The following DHX30 variants were observed in gnomAD, a reference collection of about 807,000 sequenced individuals.
DHX30 encodes ATP-dependent RNA helicase DHX30.
A neutral mutation model predicts 116.9 loss-of-function variants in DHX30; 4 were observed. The ratio of observed to expected loss-of-function variants is 0.03; its 90% CI spans 0.02 to 0.08. The LOEUF (loss-of-function observed/expected upper bound fraction) is 0.08, where lower values mean the gene tolerates loss of function less well. Among genes scored for constraint, DHX30 ranks in the 10% least tolerant of loss-of-function variants. The pLI, the probability that DHX30 is intolerant of heterozygous loss-of-function variation, is 1.00. For synonymous variants in DHX30, 697 were observed against 651.7 expected (o/e 1.07, Z -1.06); for missense variants, 871 against 1,595.1 (o/e 0.55, Z 7.73).
chr3:47,812,884 T>G (rs957906522), intron 3 of DHX30, among the ~76,000 whole-genome samples: 12 of 151,690 alleles, frequency 7.9e-5, no homozygotes, highest in Admixed American at 2.0e-4. Flanking sequence ...GGCTGGTCTG[T>G]AACTCCTGAG....
intron 3 of DHX30, chr3:47,816,206 A>G (rs2036043691): frequency 1.0e-6 from 1 of 981,494 alleles, no homozygotes; most frequent in African/African-American, 1.8e-5. Flanking sequence ...AAGAGAGCTT[A>G]TGGGAAAAAT....
intron 3 of DHX30, 108 bp downstream of exon 3, chr3:47,810,819 GGGT>G (rs915717863): frequency 1.6e-6 from 2 of 1,238,924 alleles, no homozygotes; most frequent in African/African-American, 3.0e-5. Context: ...ACATTTCTTT[GGGT>G]GGTTTTCCAA....
At chr3:47,821,819 G>C (rs1037360041) in intron 4 of DHX30, among the ~76,000 whole-genome samples, 4 of 145,446 alleles carry the variant, frequency 2.8e-5, no homozygotes, top group Non-Finnish European at 6.1e-5. Context: ...GGCTGGCCTT[G>C]AACTCCTGAC....
chr3:47,824,865 C>G (rs571494586), intron 4 of DHX30: 7 of 458,184 alleles, frequency 1.5e-5, no homozygotes, highest in East Asian at 3.7e-5. Context: ...GCGCCGAGCC[C>G]GCCTACTGAA....
rs193073245 is a variant in DHX30 at position 47,845,406 on chromosome 3, C to T, written c.940-294C>T. 76 of 196,870 alleles carry T rather than the reference C, an allele frequency of 3.9e-4. 2 individuals carry two copies. In the East Asian group the frequency reaches 7.3e-3, roughly 19 times the overall value. 12.2% of individuals were successfully genotyped at this position (196,870 alleles called of 1,614,324 possible). Reference sequence around the variant, plus strand: ...TTCACCATGTTAGCCAGGCTGGTCTCGAACCCCTGACCTCAGGTGATTTGC... The same window carrying T: ...TTCACCATGTTAGCCAGGCTGGTCTTGAACCCCTGACCTCAGGTGATTTGC... On this transcript the variant is annotated intron_variant, in intron 9 of 21. Coordinates refer to ENST00000445061, the MANE Select transcript of DHX30 (RefSeq NM_138615.3).
At chr3:47,810,523 C>T in intron 2 of DHX30, 134 bp from the exon 3 acceptor site, 1 of 669,100 alleles carries the variant, frequency 1.5e-6, no homozygotes. Context: ...TGGGGAGCAG[C>T]AGTTGGGGCT....
intron 3 of DHX30, 78 bp downstream of exon 3, chr3:47,810,789 C>G (rs931945501): frequency 7.1e-7 from 1 of 1,416,398 alleles, no homozygotes; most frequent in African/African-American, 1.4e-5. Context: ...GAAAGTCTCT[C>G]CCCAGTATGT....
chr3:47,826,629 T>A (rs1368992524), intron 4 of DHX30, among the ~76,000 whole-genome samples: 2 of 152,098 alleles, frequency 1.3e-5, no homozygotes, highest in Non-Finnish European at 2.9e-5. Flanking sequence ...GTATTTTTAG[T>A]AGAGACGAGG....
chr3:47,843,816 A>G (rs2037483918), intron 9 of DHX30, among the ~76,000 whole-genome samples: 1 of 152,118 alleles, frequency 6.6e-6, no homozygotes, highest in Non-Finnish European at 1.5e-5. Context: ...CTTTCACCTC[A>G]GCCTCCTGCA....
intron 6 of DHX30, 119 bp from the exon 7 acceptor site, chr3:47,840,758 G>C: frequency 1.6e-6 from 2 of 1,286,624 alleles, no homozygotes; most frequent in Non-Finnish European, 2.2e-6. Flanking sequence ...GCTGAAGTGG[G>C]TAAACAGATG....
intron 4 of DHX30, chr3:47,819,126 CT>C: frequency 1.1e-6 from 1 of 943,696 alleles, no homozygotes; most frequent in Non-Finnish European, 1.5e-6. Flanking sequence ...TTCTAGCCCC[CT>C]GACCATTTGA....
intron 3 of DHX30, chr3:47,816,691 T>A: frequency 1.0e-6 from 1 of 985,602 alleles, no homozygotes; most frequent in Non-Finnish European, 1.2e-6. Flanking sequence ...AGCTGGCAGT[T>A]ACCGAGGAAG....
intron 6 of DHX30, among the ~76,000 whole-genome samples, chr3:47,829,435 C>G (rs1036818370): frequency 6.8e-6 from 1 of 147,110 alleles, no homozygotes; most frequent in East Asian, 2.1e-4. Context: ...CCTCCACTTT[C>G]TAGGTTCAAG....
At chr3:47,811,024 A>C (rs1466268261) in intron 3 of DHX30, among the ~76,000 whole-genome samples, 1 of 151,320 alleles carries the variant, frequency 6.6e-6, no homozygotes, top group Non-Finnish European at 1.5e-5. Context: ...ATCTCGGCTC[A>C]GTGCAATCTC....
At chr3:47,811,866 C>G (rs1280919243) in intron 3 of DHX30, among the ~76,000 whole-genome samples, 3 of 151,954 alleles carry the variant, frequency 2.0e-5, no homozygotes, top group Non-Finnish European at 2.9e-5. Flanking sequence ...GAGTTCCAGA[C>G]CAGCCTGGAC....
intron 6 of DHX30, among the ~76,000 whole-genome samples, chr3:47,833,537 CAAAAAAAAA>C (rs71070236): frequency 1.6e-5 from 1 of 62,458 alleles, no homozygotes; most frequent in African/African-American, 6.9e-5. Flanking sequence ...CTCTCTCTCT[CAAAAAAAAA>C]AAAAAAAAAA....
At chr3:47,837,826 G>A (rs1271521923) in intron 6 of DHX30, among the ~76,000 whole-genome samples, 1 of 152,180 alleles carries the variant, frequency 6.6e-6, no homozygotes, top group East Asian at 1.9e-4. Context: ...CAGTTGAGGA[G>A]GTGGGAGGGA....
intron 9 of DHX30, among the ~76,000 whole-genome samples, chr3:47,845,340 C>T (rs1390077669): frequency 6.6e-6 from 1 of 151,968 alleles, no homozygotes; most frequent in Non-Finnish European, 1.5e-5. Context: ...GGTGCCGGCC[C>T]CCCACCTGGC....
chr3:47,810,543 A>C, intron 2 of DHX30, 114 bp from the exon 3 acceptor site: 1 of 818,004 alleles, frequency 1.2e-6, no homozygotes, highest in Non-Finnish European at 2.0e-6. Context: ...TCATTAGTGA[A>C]GAGTTTCATT....
Sources: allele counts gnomAD v4.1 joint callset (sites outside exome capture counted in the v4.1 genomes callset), GRCh38; gene constraint gnomAD v4.1.1; transcripts MANE v1.5; gene names NCBI Gene and HGNC (gene_info 2026-07-23, HGNC 2026-07-21).